Variants in CD101 observed in about 807,000 individuals in gnomAD.
The protein encoded by CD101 is immunoglobulin superfamily member 2.
In CD101, 76 loss-of-function variants were observed where a neutral mutation model predicts 98.2. That is an observed-to-expected ratio of 0.77 (90% CI 0.64 to 0.94). The LOEUF (loss-of-function observed/expected upper bound fraction) is 0.94, where lower values mean the gene tolerates loss of function less well. CD101 is among the 40% of genes least tolerant of loss of function. CD101 has a pLI of 0.00. For missense variants in CD101, 1,145 were observed against 1,218.8 expected, an observed-to-expected ratio of 0.94 and a Z score of 0.90; for synonymous variants, 471 against 472.7, an observed-to-expected ratio of 1.00 and a Z score of 0.05.
intron 9 of CD101, among the ~76,000 whole-genome samples, chr1:117,034,897 G>A (rs985567615): frequency 2.6e-5 from 4 of 152,160 alleles, no homozygotes; most frequent in African/African-American, 9.7e-5. Flanking sequence ...GGTCCATCTG[G>A]CTCCTGGTGC....
chr1:117,030,010 A>T (rs1654346866), intron 8 of CD101, among the ~76,000 whole-genome samples: 1 of 152,194 alleles, frequency 6.6e-6, no homozygotes, highest in Non-Finnish European at 1.5e-5. Flanking sequence ...TGATTAATTG[A>T]TAGGCCAGGC....
rs747085480 is a variant in CD101 at position 117,009,936 on chromosome 1, A to G, written c.130A>G (p.Asn44Asp). The change falls in exon 2 of 10, where the codon AAT becomes GAT. Residue 44 changes from asparagine to aspartate, a missense_variant. Transcript: ENST00000682167. ...AEGYPVSIGC[N>D]VTGHQGPSEQ... ...AGGTTACCCAGTCAGCATTGGCTGC[A>G]ATGTAACTGGCCACCAGGGACCTTC... 1.2e-6 allele frequency: 2 copies of G among 1,614,044 alleles called. No homozygotes were observed. Among genetic ancestry groups the G allele is most frequent in the African/African-American group, 1.3e-5 (1 of 74,942 alleles).
Position 117,006,331 on chromosome 1 carries a change from GTCTATT to G in CD101, c.44-3514_44-3509del, listed in dbSNP as rs746958571. Among the ~76,000 whole-genome samples the G allele has an allele frequency of 1.2e-4, 19 of 152,222 alleles. No homozygotes were observed. The East Asian group carries it at 3.3e-3, about 26-fold the overall frequency. On this transcript the variant is annotated intron_variant, in intron 1 of 9. Coordinates refer to ENST00000682167, the MANE Select transcript of CD101 (RefSeq NM_001256106.3). This position sits in a 1 kb window ranked among gnomAD's most constrained non-coding sequence, Gnocchi z 4.4. ...CCTGAGCTCCTACAATTACCTGATT[GTCTATT>G]TCTAACTTCCATCATTCTGCACACA...
chr1:117,029,135 GAAA>G (rs1654158447), intron 8 of CD101, among the ~76,000 whole-genome samples: 3 of 60,688 alleles, frequency 4.9e-5, no homozygotes, highest in Admixed American at 3.6e-4. Context: ...ACATCAGAAA[GAAA>G]GAAAGAAAGA....
At position 117,020,055 on chromosome 1, in the gene CD101, G is replaced by A. The variant is rs150165329; in HGVS notation, c.2017+1495G>A. ...TCTCACTCTCAAAGTCTTTGATCTA[G>A]TTGCATCTTTTGTGTGGCAATCCTT... On this transcript the variant is annotated intron_variant, in intron 6 of 9. Coordinates refer to ENST00000682167, the MANE Select transcript of CD101 (RefSeq NM_001256106.3). 1.2e-4 allele frequency among the ~76,000 whole-genome samples: 18 copies of A among 152,116 alleles called. No homozygotes were observed. The East Asian group carries it at 3.3e-3, about 28-fold the overall frequency.
In CD101 at chr1:117,025,592, A is replaced by C. The variant is rs772049398; in HGVS notation, c.2512A>C (p.Ser838Arg). 1 of 1,613,666 alleles carries C rather than the reference A, an allele frequency of 6.2e-7. No individual in the cohort carries two copies. The highest frequency in any genetic ancestry group is 8.5e-7 in the Non-Finnish European group (1 of 1,179,994). ...REVAIRCSLESVGSSATLYSV... is the reference protein window; with the variant it reads ...REVAIRCSLERVGSSATLYSV... The stretch of plus-strand genomic sequence containing the variant: ...AGTGGCCATCCGCTGCAGCCTGGAG[A>C]GTGTAGGCAGCTCAGCCACTCTGTA... The change falls in exon 8 of 10, where the codon AGT becomes CGT. Residue 838 changes from serine (S) to arginine (R), a missense_variant. Transcript: ENST00000682167.
intron 8 of CD101, 145 bp downstream of exon 8, chr1:117,026,049 C>T (rs1653904107): frequency 1.2e-6 from 1 of 814,454 alleles, no homozygotes; most frequent in African/African-American, 1.7e-5. Context: ...AAGAAGATGA[C>T]TTTGCTGTCT....
rs762313687 is a variant in CD101 at position 117,025,757 on chromosome 1, G to T, written c.2677G>T (p.Val893Phe). ...TTACCGTTCATCCTCTACAGACTTT[G>T]TCCTGAAGCTTCATCAGGTGGAGAT... is the stretch of plus-strand genomic sequence containing the variant. ...HCYRSSSTDF[V>F]LKLHQVEMED... is the part of the protein sequence containing the mutation. Residue 893 changes from valine to phenylalanine, a missense_variant, in exon 8 of 10, where the codon GTC (valine) becomes TTC (phenylalanine). Physicochemically the swap from Val to Phe is conservative, Grantham distance 50. Coordinates refer to ENST00000682167, the MANE Select transcript of CD101 (RefSeq NM_001256106.3). 8.1e-6 allele frequency: 13 copies of T among 1,614,094 alleles called. No homozygotes were observed. The highest frequency in any genetic ancestry group is 5.3e-5 in the African/African-American group (4 of 74,932).
chr1:117,021,699 T>C lies in CD101; in HGVS notation c.2144T>C (p.Phe715Ser). ...CTTCAGTTAGCCATTATTTGGTATTTTTCTCCTGTTTCCACTAATGCCTCT... is the reference window on the plus strand; with the variant it reads ...CTTCAGTTAGCCATTATTTGGTATTCTTCTCCTGTTTCCACTAATGCCTCT... ...GNLQLAIIWYFSPVSTNASWL... is the reference protein window; with the variant it reads ...GNLQLAIIWYSSPVSTNASWL... The change falls in exon 7 of 10, where the codon TTT becomes TCT. Residue 715 changes from phenylalanine (F) to serine (S), a missense_variant. By Grantham distance (155) the Phe-to-Ser change is radical. Transcript: ENST00000682167. This position sits in a 1 kb window ranked among gnomAD's most constrained non-coding sequence, Gnocchi z 4.7. The C allele has an allele frequency of 6.2e-7, 1 of 1,614,196 alleles. No individual in the cohort carries two copies. Among genetic ancestry groups the C allele is most frequent in the Non-Finnish European group, 8.5e-7 (1 of 1,180,030 alleles).
intron 8 of CD101, among the ~76,000 whole-genome samples, chr1:117,031,857 T>C (rs17036740): frequency 0.023 from 3,532 of 152,312 alleles, 146 homozygotes; most frequent in African/African-American, 0.081. Context: ...CTCAGCTCTC[T>C]TTGAAACACA....
In CD101 at chr1:117,012,295, C is replaced by T. The variant is rs1350527845; in HGVS notation, c.841+329C>T. The stretch of plus-strand genomic sequence containing the variant: ...TATCTAATTTAGTCGTAACCACCAC[C>T]CTATGAGGCAAGTAGTTGAGTCTCC... On this transcript the variant is annotated intron_variant, in intron 3 of 9. Transcript: ENST00000682167. The surrounding 1 kb of genome is among the most constrained non-coding windows in gnomAD (Gnocchi z 4.0). Among the ~76,000 whole-genome samples the T allele has an allele frequency of 6.6e-6, 1 of 152,188 alleles. No homozygotes were observed. The highest frequency in any genetic ancestry group is 2.4e-5 in the African/African-American group (1 of 41,436).
rs1653443156 is a variant in CD101, at chr1:117,019,536, T to C, written c.2017+976T>C. 6.6e-6 allele frequency among the ~76,000 whole-genome samples: 1 copy of C among 152,216 alleles called. No individual in the cohort carries two copies. The highest frequency in any genetic ancestry group is 6.5e-5 in the Admixed American group (1 of 15,278). On this transcript the variant is annotated intron_variant, in intron 6 of 9. Coordinates refer to ENST00000682167, the MANE Select transcript of CD101 (RefSeq NM_001256106.3). This position sits in a 1 kb window ranked among gnomAD's most constrained non-coding sequence, Gnocchi z 4.3. ...GCACCATGACACAAGATTTTCATTT[T>C]CTCCTCCACTGATTTATTCTTTAAA...
intron 4 of CD101, among the ~76,000 whole-genome samples, chr1:117,014,624 A>T (rs1214337556): frequency 6.6e-6 from 1 of 152,192 alleles, no homozygotes; most frequent in Admixed American, 6.5e-5. Context: ...TAATATAAGG[A>T]TTCACTAGGC....
Position 117,036,532 on chromosome 1 carries a change from A to AG in CD101, c.*398_*399insG, listed in dbSNP as rs1467139999. The AG allele has an allele frequency of 6.7e-6, 1 of 149,970 alleles. No homozygotes were observed. Among genetic ancestry groups the AG allele is most frequent in the East Asian group, 2.0e-4 (1 of 5,126 alleles). The allele number at this position is 149,970 out of a possible 1,614,324, so 9.3% of individuals were successfully genotyped here. On this transcript the variant is annotated 3_prime_UTR_variant, in exon 10 of 10. Coordinates refer to ENST00000682167, the MANE Select transcript of CD101 (RefSeq NM_001256106.3). The surrounding 1 kb of genome is among the most constrained non-coding windows in gnomAD (Gnocchi z 5.0). Reference sequence around the variant, plus strand: ...TTGTGACAAGTAAAAAAAAAAAAAAACTCCTTTTCATCAAAACTCATGTTC... The same window carrying AG: ...TTGTGACAAGTAAAAAAAAAAAAAAAGCTCCTTTTCATCAAAACTCATGTTC...
chr1:117,018,779 C>G lies in CD101; in HGVS notation c.2017+219C>G, dbSNP rs1570728633. ...AACATTGAAATACCTTCCATGCTGG[C>G]TAATTGCTGCTCTCTACCCATTCCC... On this transcript the variant is annotated intron_variant, in intron 6 of 9. Transcript: ENST00000682167. The surrounding 1 kb of genome is among the most constrained non-coding windows in gnomAD (Gnocchi z 4.3). 6.6e-6 allele frequency among the ~76,000 whole-genome samples: 1 copy of G among 152,216 alleles called. No individual in the cohort carries two copies. The highest frequency in any genetic ancestry group is 1.9e-4 in the East Asian group (1 of 5,194).
rs1261498624 is a variant in CD101, at chr1:117,006,243, G to T, written c.44-3607G>T. Among the ~76,000 whole-genome samples the T allele has an allele frequency of 6.6e-6, 1 of 152,072 alleles. No individual in the cohort carries two copies. The highest frequency in any genetic ancestry group is 1.5e-5 in the Non-Finnish European group (1 of 68,010). ...CAACGCACTGAAAACTACAGATTTT[G>T]TCTCCACAGTAGCTCAGTTATAGTA... On this transcript the variant is annotated intron_variant, in intron 1 of 9. Transcript: ENST00000682167. The surrounding 1 kb of genome is among the most constrained non-coding windows in gnomAD (Gnocchi z 4.4).
chr1:117,016,525 T>C (rs963030502), intron 4 of CD101, among the ~76,000 whole-genome samples: 2 of 151,748 alleles, frequency 1.3e-5, no homozygotes, highest in African/African-American at 4.8e-5. Flanking sequence ...TAAGGAAGAG[T>C]TGATTTAACA....
Position 117,023,609 on chromosome 1 carries a change from G to GTAGAGACAA in CD101, c.2428+1627_2428+1628insAGAGACAAT, listed in dbSNP as rs1166030779. Among the ~76,000 whole-genome samples the GTAGAGACAA allele has an allele frequency of 1.3e-5, 2 of 151,986 alleles. No homozygotes were observed. The highest frequency in any genetic ancestry group is 6.6e-5 in the Admixed American group (1 of 15,254). ...TTTTTGTAATTTTAGTAGAGACAGG[G>GTAGAGACAA]TTTTACCATGTTGCTCAGGCTGGTC... On this transcript the variant is annotated intron_variant, in intron 7 of 9. Transcript: ENST00000682167. The surrounding 1 kb of genome is among the most constrained non-coding windows in gnomAD (Gnocchi z 4.4).
At position 117,036,202 on chromosome 1, in the gene CD101, C is replaced by T. The variant is rs576333524; in HGVS notation, c.*68C>T. ...TTGCTGCCTGTTTCTTCCCAAGCCCCGTGTGGAATGTGGTGACCTAGTCAC... is the reference window on the plus strand; with the variant it reads ...TTGCTGCCTGTTTCTTCCCAAGCCCTGTGTGGAATGTGGTGACCTAGTCAC... On this transcript the variant is annotated 3_prime_UTR_variant, in exon 10 of 10. Coordinates refer to ENST00000682167, the MANE Select transcript of CD101 (RefSeq NM_001256106.3). The surrounding 1 kb of genome is among the most constrained non-coding windows in gnomAD (Gnocchi z 5.0). 7 of 152,398 alleles carry T rather than the reference C, an allele frequency of 4.6e-5. No homozygotes were observed. In the East Asian group the frequency reaches 1.4e-3, roughly 29 times the overall value. 9.4% of individuals were successfully genotyped at this position (152,398 alleles called of 1,614,324 possible).
Sources: allele counts gnomAD v4.1 joint callset (sites outside exome capture counted in the v4.1 genomes callset), GRCh38; gene constraint gnomAD v4.1.1; non-coding constraint Gnocchi (gnomAD v3.1); transcripts MANE v1.5; gene names NCBI Gene and HGNC (gene_info 2026-07-23, HGNC 2026-07-21).